Variants in UXS1 observed in about 807,000 individuals in gnomAD.
The protein encoded by UXS1 is UDP-glucuronic acid decarboxylase 1.
Under a neutral mutation model 62.6 loss-of-function variants are expected in UXS1, and 33 were observed. The observed-to-expected ratio is 0.53, with a 90% confidence interval of 0.40 to 0.70. The LOEUF is 0.70. UXS1 is among the 30% of genes least tolerant of loss of function. The probability of loss-of-function intolerance (pLI) is 0.00; values close to 1 mark genes in which losing one functional copy is unlikely to be tolerated. For synonymous variants in UXS1, 213 were observed against 206.8 expected, an observed-to-expected ratio of 1.03 and a Z score of -0.26; for missense variants, 434 against 556.3, an observed-to-expected ratio of 0.78 and a Z score of 2.21.
intron 6 of UXS1, 73 bp downstream of exon 6, chr2:106,145,117 C>G (rs938410820): frequency 3.4e-5 from 52 of 1,525,262 alleles, no homozygotes; most frequent in Non-Finnish European, 4.1e-5. Context: ...ACAGCTTACC[C>G]TCAGGAATCC....
At chr2:106,145,510 G>T in intron 5 of UXS1, 140 bp from the exon 6 acceptor site, 1 of 1,052,954 alleles carries the variant, frequency 9.5e-7, no homozygotes, top group African/African-American at 1.6e-5. Flanking sequence ...GACAGCAAAG[G>T]TTTTAAGGTA....
intron 10 of UXS1, among the ~76,000 whole-genome samples, chr2:106,112,119 T>C: frequency 6.6e-6 from 1 of 152,306 alleles, no homozygotes; most frequent in South Asian, 2.1e-4. Flanking sequence ...GGCACAGACA[T>C]CTTTGCCACA....
chr2:106,155,164 A>G (rs1406419522), intron 5 of UXS1, among the ~76,000 whole-genome samples: 4 of 152,168 alleles, frequency 2.6e-5, no homozygotes, highest in East Asian at 1.9e-4. Context: ...CACCTCCAAC[A>G]CTGGAGATCA....
intron 5 of UXS1, among the ~76,000 whole-genome samples, chr2:106,147,771 T>G (rs1681687709): frequency 6.6e-6 from 1 of 152,242 alleles, no homozygotes; most frequent in Admixed American, 6.5e-5. Context: ...GCACACTTAC[T>G]CAAGGCTTCT....
chr2:106,145,095 G>T, intron 6 of UXS1, 95 bp downstream of exon 6: 3 of 1,354,566 alleles, frequency 2.2e-6, no homozygotes, highest in Non-Finnish European at 3.0e-6. Context: ...AGCTTTCAAT[G>T]TGCTGAGTCA....
chr2:106,157,147 T>TGG (rs369786368), intron 5 of UXS1, among the ~76,000 whole-genome samples: 1 of 151,618 alleles, frequency 6.6e-6, no homozygotes, highest in African/African-American at 2.4e-5. Context: ...AGGCTTTCCT[T>TGG]GGGGGGGGCC....
intron 9 of UXS1, among the ~76,000 whole-genome samples, chr2:106,122,430 G>A (rs1207804013): frequency 6.6e-6 from 1 of 152,214 alleles, no homozygotes; most frequent in East Asian, 1.9e-4. Context: ...CAGCAGCACA[G>A]CCAGTGTGGC....
At chr2:106,140,339 T>C (rs1337631618) in intron 6 of UXS1, among the ~76,000 whole-genome samples, 1 of 152,204 alleles carries the variant, frequency 6.6e-6, no homozygotes, top group Non-Finnish European at 1.5e-5. Context: ...GAGGGCGATC[T>C]CTAAGAGCCA....
rs564487980 is a variant in UXS1, at chr2:106,194,259, G to A, written c.-18C>T. The A allele has an allele frequency of 9.7e-5, 133 of 1,367,496 alleles. No individual in the cohort carries two copies. In the South Asian group the frequency reaches 1.4e-3, roughly 14 times the overall value. 84.7% of individuals were successfully genotyped at this position (1,367,496 alleles called of 1,614,324 possible). ...CTCACCATCCCCGGGAGCCGCGCGG[G>A]TCCAGGGCCCTACCGCGCGGGGGCC... On this transcript the variant is annotated 5_prime_UTR_variant, in exon 1 of 15. Transcript: ENST00000283148.
chr2:106,189,817 C>A (rs1684803755), intron 1 of UXS1, among the ~76,000 whole-genome samples: 1 of 152,238 alleles, frequency 6.6e-6, no homozygotes. Context: ...CACTATCAAT[C>A]TATCAGACAT....
intron 2 of UXS1, among the ~76,000 whole-genome samples, chr2:106,165,349 C>T (rs1203849433): frequency 2.0e-5 from 3 of 152,128 alleles, no homozygotes; most frequent in Non-Finnish European, 4.4e-5. Context: ...AACCTTTTAC[C>T]CTGGTAGACA....
intron 1 of UXS1, among the ~76,000 whole-genome samples, chr2:106,189,583 C>T (rs1309666653): frequency 1.3e-5 from 2 of 152,146 alleles, no homozygotes; most frequent in Non-Finnish European, 2.9e-5. Flanking sequence ...CCATGTGAGG[C>T]CATCAAGCTC....
intron 1 of UXS1, among the ~76,000 whole-genome samples, chr2:106,174,441 T>C (rs796133742): frequency 2.2e-4 from 33 of 152,254 alleles, no homozygotes; most frequent in African/African-American, 6.3e-4. Flanking sequence ...AGGACAGTAA[T>C]GTCACAAGAT....
chr2:106,118,547 C>T (rs766987650), intron 9 of UXS1, among the ~76,000 whole-genome samples: 9 of 152,160 alleles, frequency 5.9e-5, no homozygotes, highest in Non-Finnish European at 8.8e-5. Flanking sequence ...CACACAGAGG[C>T]GGCAATTTAA....
intron 9 of UXS1, among the ~76,000 whole-genome samples, chr2:106,113,343 G>C (rs767497848): frequency 2.6e-5 from 4 of 152,146 alleles, no homozygotes; most frequent in African/African-American, 9.7e-5. Flanking sequence ...ATACAACTTA[G>C]TGCCCAGTAT....
At chr2:106,131,164 G>A (rs1341374609) in intron 6 of UXS1, among the ~76,000 whole-genome samples, 1 of 148,920 alleles carries the variant, frequency 6.7e-6, no homozygotes, top group African/African-American at 2.5e-5. Context: ...TGGAAAATCG[G>A]GTCACTCCCA....
Position 106,143,651 on chromosome 2 carries a change from G to A in UXS1, c.472+1539C>T, listed in dbSNP as rs200701139. Among the ~76,000 whole-genome samples, 28 of 152,284 alleles carry A rather than the reference G, an allele frequency of 1.8e-4. No homozygotes were observed. The East Asian group carries it at 5.2e-3, about 28-fold the overall frequency. On this transcript the variant is annotated intron_variant, in intron 6 of 14. Transcript: ENST00000283148. ...CAGAAATCAAGGTGTCAGCAGGGCT[G>A]TGTTCCTTTCTTCAGAGGATGATTC...
chr2:106,099,571 C>T (rs1224823751), intron 12 of UXS1, among the ~76,000 whole-genome samples: 3 of 152,150 alleles, frequency 2.0e-5, no homozygotes. Context: ...AGTGATTCTG[C>T]CTTTCTCCTG....
At chr2:106,098,989 GGCT>G (rs1464322801) in intron 12 of UXS1, among the ~76,000 whole-genome samples, 2 of 152,216 alleles carry the variant, frequency 1.3e-5, no homozygotes, top group Non-Finnish European at 2.9e-5. Flanking sequence ...TCAGCCTCTA[GGCT>G]GCTGTGTACA....
Sources: allele counts gnomAD v4.1 joint callset (sites outside exome capture counted in the v4.1 genomes callset), GRCh38; gene constraint gnomAD v4.1.1; transcripts MANE v1.5; gene names NCBI Gene and HGNC (gene_info 2026-07-23, HGNC 2026-07-21).